HMG20B: variants seen among roughly 807,000 people sequenced by gnomAD.
The protein encoded by HMG20B is SWI/SNF-related matrix-associated actin-dependent regulator of chromatin subfamily E member 1-related.
In HMG20B, 24 loss-of-function variants were observed where a neutral mutation model predicts 41.6. The ratio of observed to expected loss-of-function variants is 0.58; its 90% CI spans 0.42 to 0.81. The LOEUF (loss-of-function observed/expected upper bound fraction) is 0.81, where lower values mean the gene tolerates loss of function less well. Among genes scored for constraint, HMG20B ranks in the 30% least tolerant of loss-of-function variants. The probability of loss-of-function intolerance (pLI) is 0.00; values close to 1 mark genes in which losing one functional copy is unlikely to be tolerated. For synonymous variants in HMG20B, 251 were observed against 186.6 expected, an observed-to-expected ratio of 1.34 and a Z score of -2.81; for missense variants, 461 against 444.0, an observed-to-expected ratio of 1.04 and a Z score of -0.34.
At chr19:3,578,226 A>T in intron 9 of HMG20B, 113 bp downstream of exon 9, 1 of 1,433,296 alleles carries the variant, frequency 7.0e-7, no homozygotes, top group African/African-American at 1.4e-5. Context: ...CTTACTAGAG[A>T]TCACCTCCCG....
chr19:3,573,079 G>T, intron 1 of HMG20B, 85 bp downstream of exon 1: 1 of 488,314 alleles, frequency 2.0e-6, no homozygotes, highest in Non-Finnish European at 3.6e-6. Context: ...TTCCTGGCCC[G>T]GGGGAAACCG....
chr19:3,576,039 C>T, intron 5 of HMG20B: 3 of 592,620 alleles, frequency 5.1e-6, no homozygotes, highest in Non-Finnish European at 6.0e-6. Flanking sequence ...TCAGCCCAGG[C>T]AGGGCCTCCC....
rs181498477 is a variant in HMG20B at position 3,579,078 on chromosome 19, T to C, written c.*557T>C. 7.7e-5 allele frequency: 26 copies of C among 336,308 alleles called. No homozygotes were observed. In the East Asian group the frequency reaches 2.2e-3, roughly 28 times the overall value. The allele number at this position is 336,308 out of a possible 1,614,324, so 20.8% of individuals were successfully genotyped here. On this transcript the variant is annotated 3_prime_UTR_variant, in exon 10 of 10. Transcript: ENST00000333651. The surrounding 1 kb of genome is among the most constrained non-coding windows in gnomAD (Gnocchi z 7.4). ...TAAATAAAAACAAGTAAAATTTGTG[T>C]TTTAAGCTTGTGAGTGTGTAAGCTT...
Position 3,579,015 on chromosome 19 carries a change from TG to T in HMG20B, c.*499del, listed in dbSNP as rs1338215597. Reference sequence around the variant, plus strand: ...CTCTCCTCCAGCCGAGGGACCCTGGTGGGGGTGGCTCCTTCTCACTGCTGGA... The same window carrying T: ...CTCTCCTCCAGCCGAGGGACCCTGGTGGGGTGGCTCCTTCTCACTGCTGGA... On this transcript the variant is annotated 3_prime_UTR_variant, in exon 10 of 10. Coordinates refer to ENST00000333651, the MANE Select transcript of HMG20B (RefSeq NM_006339.3). The surrounding 1 kb of genome is among the most constrained non-coding windows in gnomAD (Gnocchi z 7.4). 16 of 350,232 alleles carry T rather than the reference TG, an allele frequency of 4.6e-5. No homozygotes were observed. Among genetic ancestry groups the T allele is most frequent in the Non-Finnish European group, 8.0e-5 (14 of 175,974 alleles). The allele number at this position is 350,232 out of a possible 1,614,324, so 21.7% of individuals were successfully genotyped here.
chr19:3,578,838 C>T lies in HMG20B; in HGVS notation c.*317C>T, dbSNP rs1254325350. The stretch of plus-strand genomic sequence containing the variant: ...CCCCCAGGACACAGGGCAGACGAAA[C>T]CCACCCCCAGCACACGGCAGGACCC... On this transcript the variant is annotated 3_prime_UTR_variant, in exon 10 of 10. Transcript: ENST00000333651. 1.5e-6 allele frequency: 1 copy of T among 657,624 alleles called. No homozygotes were observed. Among genetic ancestry groups the T allele is most frequent in the Admixed American group, 1.9e-5 (1 of 51,922 alleles). 40.7% of individuals were successfully genotyped at this position (657,624 alleles called of 1,614,324 possible).
Position 3,576,075 on chromosome 19 carries a change from G to T in HMG20B, c.473-186G>T, listed in dbSNP as rs1381306937. ...TCCGTGGGGCACAGTCCCGTGGGTT[G>T]GGCGGGGGAAAGATACATAGCCAGA... On this transcript the variant is annotated intron_variant, in intron 5 of 9. Coordinates refer to ENST00000333651, the MANE Select transcript of HMG20B (RefSeq NM_006339.3). 3.9e-5 allele frequency: 24 copies of T among 621,536 alleles called. No homozygotes were observed. In the Admixed American group the frequency reaches 5.8e-4, roughly 15 times the overall value. The allele number at this position is 621,536 out of a possible 1,614,324, so 38.5% of individuals were successfully genotyped here.
rs115951822 is a variant in HMG20B at position 3,573,936 on chromosome 19, G to A, written c.147+136G>A. On this transcript the variant is annotated intron_variant, in intron 3 of 9. Coordinates refer to ENST00000333651, the MANE Select transcript of HMG20B (RefSeq NM_006339.3). ...CCTCTGGAAGCTGAGACCCCGCCCC[G>A]TGCCAGCTGCCACGCCCCTGACAGG... The A allele has an allele frequency of 1.2e-3, 984 of 849,968 alleles. 5 individuals are homozygous for A. The African/African-American group carries it at 0.012, about 11-fold the overall frequency. The allele number at this position is 849,968 out of a possible 1,614,324, so 52.7% of individuals were successfully genotyped here.
intron 5 of HMG20B, 178 bp from the exon 6 acceptor site, chr19:3,576,083 G>T: frequency 1.6e-6 from 1 of 628,606 alleles, no homozygotes; most frequent in Non-Finnish European, 2.8e-6. Flanking sequence ...TTGGGCGGGG[G>T]AAAGATACAT....
chr19:3,575,495 G>T (rs1282109376), intron 4 of HMG20B, 45 bp from the exon 5 acceptor site: 1 of 1,555,324 alleles, frequency 6.4e-7, no homozygotes, highest in Non-Finnish European at 8.7e-7. Context: ...GGATCCTGGC[G>T]TTGGAGGCTT....
rs768492324 is a variant in HMG20B at position 3,574,523 on chromosome 19, C to T, written c.288C>T (p.Pro96=). 3.1e-6 allele frequency: 5 copies of T among 1,606,040 alleles called. No individual in the cohort carries two copies. The South Asian group carries it at 3.3e-5, about 11-fold the overall frequency. ...EQIRTRHPDL[P]FPEITKMLGA... is the part of the protein sequence containing the mutation. ...TCCGCACGCGCCACCCGGATCTGCCCTTTCCCGAGATCACCAAGATGCTGG... is the reference window on the plus strand; with the variant it reads ...TCCGCACGCGCCACCCGGATCTGCCTTTTCCCGAGATCACCAAGATGCTGG... Residue 96 remains proline, a synonymous_variant, in exon 4 of 10, where the codon CCC becomes CCT. Transcript: ENST00000333651.
chr19:3,574,384 C>G lies in HMG20B; in HGVS notation c.149C>G (p.Pro50Arg). ...AGEKGSHEEE[P>R]VKKRGWPKGK... ...CAACGACGCAGCCCGGTTCTGCAGC[C>G]GGTGAAGAAACGCGGCTGGCCCAAG... The change falls in exon 4 of 10, where the codon CCG (proline) becomes CGG (arginine). Residue 50 changes from proline (P) to arginine (R), a missense_variant and splice_region_variant. Transcript: ENST00000333651. The G allele has an allele frequency of 1.9e-6, 3 of 1,584,212 alleles. No individual in the cohort carries two copies. The highest frequency in any genetic ancestry group is 1.7e-6 in the Non-Finnish European group (2 of 1,166,020).
chr19:3,577,226 C>G (rs2032188013), intron 8 of HMG20B, 119 bp downstream of exon 8: 3 of 734,806 alleles, frequency 4.1e-6, no homozygotes, highest in Non-Finnish European at 6.3e-6. Context: ...CCCGTCCCCT[C>G]TTCCCCAGTC....
chr19:3,574,550 C>T lies in HMG20B; in HGVS notation c.315C>T (p.Gly105=), dbSNP rs1317441853. The change falls in exon 4 of 10, where the codon GGC becomes GGT. Residue 105 remains glycine, a synonymous_variant. Coordinates refer to ENST00000333651, the MANE Select transcript of HMG20B (RefSeq NM_006339.3). ...TTCCCGAGATCACCAAGATGCTGGG[C>T]GCCGAGTGGAGCAAGCTGCAGCCAA... ...LPFPEITKML[G]AEWSKLQPTE... is the part of the protein sequence containing the mutation. 6.2e-7 allele frequency: 1 copy of T among 1,603,982 alleles called. No homozygotes were observed. Among genetic ancestry groups the T allele is most frequent in the Non-Finnish European group, 8.5e-7 (1 of 1,176,968 alleles).
At position 3,573,803 on chromosome 19, in the gene HMG20B, G is replaced by A. The variant is rs779256389; in HGVS notation, c.147+3G>A. On this transcript the variant is annotated splice_donor_region_variant and intron_variant, in intron 3 of 9. Transcript: ENST00000333651. Reference sequence around the variant, plus strand: ...AGAAGGGGTCCCACGAGGAGGAGGTGAGAGTCCCTGCGCTGAGCTGGGGGA... The same window carrying A: ...AGAAGGGGTCCCACGAGGAGGAGGTAAGAGTCCCTGCGCTGAGCTGGGGGA... 2 of 1,589,298 alleles carry A rather than the reference G, an allele frequency of 1.3e-6. No individual in the cohort carries two copies. The highest frequency in any genetic ancestry group is 2.2e-5 in the South Asian group (2 of 88,986).
intron 7 of HMG20B, 97 bp downstream of exon 7, chr19:3,576,722 G>T: frequency 7.6e-7 from 1 of 1,310,320 alleles, no homozygotes; most frequent in South Asian, 1.3e-5. Flanking sequence ...GAGGCGGATC[G>T]GGAGGTTCCC....
At chr19:3,575,814 G>T in intron 5 of HMG20B, 154 bp downstream of exon 5, 1 of 620,306 alleles carries the variant, frequency 1.6e-6, no homozygotes, top group Non-Finnish European at 2.7e-6. Flanking sequence ...CGTGGTGGCG[G>T]GTGCCTGTAA....
At position 3,577,968 on chromosome 19, in the gene HMG20B, G is replaced by A. The variant is rs747870358; in HGVS notation, c.809-13G>A. 1 of 1,580,840 alleles carries A rather than the reference G, an allele frequency of 6.3e-7. No homozygotes were observed. Among genetic ancestry groups the A allele is most frequent in the South Asian group, 1.1e-5 (1 of 88,278 alleles). ...CCCGGCACCCTCGCCTGACCTTCCC[G>A]CCTGTCCCCCAGGCACGGGCGAAAC... is the stretch of plus-strand genomic sequence containing the variant. On this transcript the variant is annotated splice_polypyrimidine_tract_variant and intron_variant, in intron 8 of 9. Coordinates refer to ENST00000333651, the MANE Select transcript of HMG20B (RefSeq NM_006339.3).
chr19:3,578,662 T>A lies in HMG20B; in HGVS notation c.*141T>A. The A allele has an allele frequency of 1.8e-6, 2 of 1,109,886 alleles. No individual in the cohort carries two copies. The highest frequency in any genetic ancestry group is 1.3e-6 in the Non-Finnish European group (1 of 746,964). The allele number at this position is 1,109,886 out of a possible 1,614,324, so 68.8% of individuals were successfully genotyped here. A position where few individuals can be genotyped will look rare whatever the true frequency, so the allele number is the denominator to read the frequency against. ...TTGGGGGCTCCAGCCCCCCTAAAAT[T>A]AAATTTCTGCAGCATCCCTTTAGCT... On this transcript the variant is annotated 3_prime_UTR_variant, in exon 10 of 10. Coordinates refer to ENST00000333651, the MANE Select transcript of HMG20B (RefSeq NM_006339.3).
rs779157441 is a variant in HMG20B, at chr19:3,578,696, C to T, written c.*175C>T. On this transcript the variant is annotated 3_prime_UTR_variant, in exon 10 of 10. Coordinates refer to ENST00000333651, the MANE Select transcript of HMG20B (RefSeq NM_006339.3). ...GCAGCATCCCTTTAGCTTTCAATCT[C>T]CCCAGCCCCCTGAACCCGGAAAAAG... 151 of 873,592 alleles carry T rather than the reference C, an allele frequency of 1.7e-4. 1 individual carries two copies. In the South Asian group the frequency reaches 2.0e-3, roughly 12 times the overall value. 54.1% of individuals were successfully genotyped at this position (873,592 alleles called of 1,614,324 possible). A position where few individuals can be genotyped will look rare whatever the true frequency, so the allele number is the denominator to read the frequency against.
Sources: allele counts gnomAD v4.1 joint callset, GRCh38; gene constraint gnomAD v4.1.1; non-coding constraint Gnocchi (gnomAD v3.1); transcripts MANE v1.5; gene names NCBI Gene and HGNC (gene_info 2026-07-23, HGNC 2026-07-21).